KRT6C: variants seen among roughly 807,000 people sequenced by gnomAD.
The protein encoded by KRT6C is keratin, type II cytoskeletal 6C.
KRT6C carries 46 observed loss-of-function variants against 49.4 expected under a neutral mutation model. That is an observed-to-expected ratio of 0.93 (90% CI 0.74 to 1.19). The LOEUF (loss-of-function observed/expected upper bound fraction) is 1.19, where lower values mean the gene tolerates loss of function less well. Ranked by LOEUF, KRT6C falls within the 50% of genes most tolerant of loss-of-function variation. The probability of loss-of-function intolerance (pLI) is 0.00; values close to 1 mark genes in which losing one functional copy is unlikely to be tolerated. For missense variants in KRT6C, 552 were observed against 737.5 expected (o/e 0.75, Z 2.91); for synonymous variants, 236 against 297.1 (o/e 0.79, Z 2.12).
chr12:52,469,384 G>A (rs771129005), intron 8 of KRT6C, 27 bp downstream of exon 8: 42 of 1,613,910 alleles, frequency 2.6e-5, no homozygotes, highest in Non-Finnish European at 8.5e-7. Flanking sequence ...GCGAGGGCAG[G>A]GGAGGAAGGC....
In KRT6C at chr12:52,472,572, G is replaced by A. The variant is rs531591311; in HGVS notation, c.541-292C>T. ...TTTTCCAGGCACAATCACAAATCTAGTTTAAAAATACTAATTACCTGATAT... is the reference window on the plus strand; with the variant it reads ...TTTTCCAGGCACAATCACAAATCTAATTTAAAAATACTAATTACCTGATAT... On this transcript the variant is annotated intron_variant, in intron 1 of 8. Transcript: ENST00000252250. 2.2e-5 allele frequency among the ~76,000 whole-genome samples: 3 copies of A among 134,894 alleles called. No individual in the cohort carries two copies. The South Asian group carries it at 7.1e-4, about 32-fold the overall frequency. 88.5% of individuals were successfully genotyped at this position (134,894 alleles called of 152,430 possible). A position where few individuals can be genotyped will look rare whatever the true frequency, so the allele number is the denominator to read the frequency against.
rs764788115 is a variant in KRT6C, at chr12:52,473,647, A to G, written c.91T>C (p.Ser31Pro). The G allele has an allele frequency of 1.9e-6, 3 of 1,612,068 alleles. No individual in the cohort carries two copies. Among genetic ancestry groups the G allele is most frequent in the South Asian group, 1.1e-5 (1 of 90,946 alleles). ...GACACGGAGATGCTGCTGAAGCCAG[A>G]GCGGCTGACCCCAGGGAGCCTGGCT... ...NSARLPGVSR[S>P]GFSSISVSRS... The change falls in exon 1 of 9, where the codon TCT (serine) becomes CCT (proline). Residue 31 changes from serine to proline, a missense_variant. This residue lies in a region of KRT6C where 73 missense variants were observed against 102.1 expected (regional missense o/e 0.71). Coordinates refer to ENST00000252250, the MANE Select transcript of KRT6C (RefSeq NM_173086.5).
rs1592176321 is a variant in KRT6C at position 52,469,553 on chromosome 12, A to C, written c.1425-108T>G. ...AGAGTCCATGGGAAACTGCTCTTTT[A>C]GTTTTCTCTCAAGAAGAGCAATTAC... is the stretch of plus-strand genomic sequence containing the variant. On this transcript the variant is annotated intron_variant, in intron 7 of 8. Transcript: ENST00000252250. The C allele has an allele frequency of 1.2e-5, 20 of 1,611,924 alleles. No individual in the cohort carries two copies. The East Asian group carries it at 2.2e-4, about 18-fold the overall frequency.
Position 52,473,619 on chromosome 12 carries a change from C to T in KRT6C, c.119G>A (p.Arg40His), listed in dbSNP as rs755148780. 1.1e-5 allele frequency: 17 copies of T among 1,609,606 alleles called. No homozygotes were observed. The highest frequency in any genetic ancestry group is 8.9e-5 in the East Asian group (4 of 44,774). The stretch of plus-strand genomic sequence containing the variant: ...ACCCAGGCCACCACTGCCCCTGGAG[C>T]GGGACACGGAGATGCTGCTGAAGCC... Reference protein sequence around the residue: ...RSGFSSISVSRSRGSGGLGGA... With the variant: ...RSGFSSISVSHSRGSGGLGGA... The change falls in exon 1 of 9, where the codon CGC becomes CAC. Residue 40 changes from arginine to histidine, a missense_variant. By Grantham distance (29) the Arg-to-His change is conservative. Coordinates refer to ENST00000252250, the MANE Select transcript of KRT6C (RefSeq NM_173086.5).
chr12:52,470,120 GGGA>G (rs1937848794), intron 6 of KRT6C: 1 of 640,490 alleles, frequency 1.6e-6, no homozygotes, highest in African/African-American at 1.8e-5. Context: ...TGCATCTTAT[GGGA>G]GACACTACAA....
At position 52,473,555 on chromosome 12, in the gene KRT6C, C is replaced by G; in HGVS notation, c.183G>C (p.Leu61=). The G allele has an allele frequency of 6.4e-7, 1 of 1,569,162 alleles. No individual in the cohort carries two copies. Among genetic ancestry groups the G allele is most frequent in the Non-Finnish European group, 8.7e-7 (1 of 1,149,872 alleles). The change falls in exon 1 of 9, where the codon CTG becomes CTC. Residue 61 remains leucine (L), a synonymous_variant. Transcript: ENST00000252250. ...TCCTCTTGGAGCCCCCCAGGCCATA[C>G]AGACTGCGGCTGCCAAAGCCAGCTC... is the stretch of plus-strand genomic sequence containing the variant. The part of the protein sequence containing the change: ...CGGAGFGSRS[L]YGLGGSKRIS...
intron 6 of KRT6C, chr12:52,470,102 A>ATGTGCGT: frequency 1.5e-6 from 1 of 665,574 alleles, no homozygotes; most frequent in Non-Finnish European, 2.6e-6. Context: ...CCGCATGAGA[A>ATGTGCGT]TGTGCGTTGC....
intron 6 of KRT6C, 92 bp downstream of exon 6, chr12:52,470,413 C>T (rs180763577): frequency 9.4e-5 from 151 of 1,607,168 alleles, no homozygotes; most frequent in Non-Finnish European, 1.2e-4. Flanking sequence ...TGTTGGTTTA[C>T]GTTTCAGGAA....
In KRT6C at chr12:52,473,694, C is replaced by A. The variant is rs142765056; in HGVS notation, c.44G>T (p.Arg15Leu). Residue 15 changes from arginine to leucine, a missense_variant, in exon 1 of 9, where the codon CGC (arginine) becomes CTC (leucine). By Grantham distance (102) the Arg-to-Leu change is moderately radical (BLOSUM62 -2). This residue lies in a region of KRT6C where 73 missense variants were observed against 102.1 expected (regional missense o/e 0.71). Coordinates refer to ENST00000252250, the MANE Select transcript of KRT6C (RefSeq NM_173086.5). Reference sequence around the variant, plus strand: ...GGCTGAGTTGGCACTGAAACCCCGGCGGCTGCTGCTGTGGCTCCTGATGGT... The same window carrying A: ...GGCTGAGTTGGCACTGAAACCCCGGAGGCTGCTGCTGTGGCTCCTGATGGT... ...STTIRSHSSS[R>L]RGFSANSARL... 5.0e-6 allele frequency: 8 copies of A among 1,613,580 alleles called. No individual in the cohort carries two copies. The highest frequency in any genetic ancestry group is 6.8e-6 in the Non-Finnish European group (8 of 1,179,928).
chr12:52,471,770 G>A, intron 2 of KRT6C, 38 bp from the exon 3 acceptor site: 1 of 1,613,422 alleles, frequency 6.2e-7, no homozygotes, highest in South Asian at 1.1e-5. Flanking sequence ...ATGAGCCAGT[G>A]GGTAGGATGA....
intron 5 of KRT6C, 99 bp from the exon 6 acceptor site, chr12:52,470,729 A>G: frequency 1.2e-6 from 2 of 1,610,578 alleles, no homozygotes; most frequent in Admixed American, 1.7e-5. Context: ...AGTGGACCTA[A>G]TGGCTTCTCC....
intron 5 of KRT6C, among the ~76,000 whole-genome samples, chr12:52,470,845 G>T (rs1937865871): frequency 6.6e-6 from 1 of 151,956 alleles, no homozygotes; most frequent in Admixed American, 6.6e-5. Flanking sequence ...GTTTCTTTAG[G>T]GAGTAGAAAT....
intron 2 of KRT6C, 151 bp from the exon 3 acceptor site, chr12:52,471,883 A>C: frequency 7.5e-7 from 1 of 1,326,668 alleles, no homozygotes. Context: ...GCTACTACTA[A>C]ATTTGCCACT....
Position 52,469,707 on chromosome 12 carries a change from C to G in KRT6C, c.1387G>C (p.Ala463Pro). 6.2e-7 allele frequency: 1 copy of G among 1,614,080 alleles called. No homozygotes were observed. Among genetic ancestry groups the G allele is most frequent in the Non-Finnish European group, 8.5e-7 (1 of 1,179,996 alleles). ...CCCTCCAGCAGCTTGCGGTAGGTGG[C>G]GATCTCCACATCCAGGGCCAGCTTG... is the stretch of plus-strand genomic sequence containing the variant. The part of the protein sequence containing the change: ...NVKLALDVEI[A>P]TYRKLLEGEE... The change falls in exon 7 of 9, where the codon GCC (alanine) becomes CCC (proline). Residue 463 changes from alanine to proline, a missense_variant. By Grantham distance (27) the Ala-to-Pro change is conservative (BLOSUM62 -1). Transcript: ENST00000252250.
rs1295840768 is a variant in KRT6C at position 52,473,147 on chromosome 12, T to G, written c.540+51A>C. On this transcript the variant is annotated intron_variant, in intron 1 of 8. Transcript: ENST00000252250. ...CTCCCTAGCAGGAAGGTGTTGCTCT[T>G]CTGGTCTGGGGACCCTGAAGTGCCC... The G allele has an allele frequency of 3.6e-6, 5 of 1,373,370 alleles. 2 individuals carry two copies. The highest frequency in any genetic ancestry group is 3.2e-5 in the East Asian group (1 of 30,956). The allele number at this position is 1,373,370 out of a possible 1,614,324, so 85.1% of individuals were successfully genotyped here.
chr12:52,470,516 C>A lies in KRT6C; in HGVS notation c.1192G>T (p.Val398Phe), dbSNP rs1592176837. The A allele has an allele frequency of 6.2e-7, 1 of 1,614,186 alleles. No individual in the cohort carries two copies. The highest frequency in any genetic ancestry group is 8.5e-7 in the Non-Finnish European group (1 of 1,180,040). ...IQRLRSEIDH[V>F]KKQCASLQAA... is the part of the protein sequence containing the mutation. ...GCACCTCACTGTACCTGCTTCTTGA[C>A]ATGGTCGATCTCAGATCTCAGCCTC... The change falls in exon 6 of 9, where the codon GTC becomes TTC. Residue 398 changes from valine (V) to phenylalanine (F), a missense_variant. Physicochemically the swap from Val to Phe is conservative, Grantham distance 50. Coordinates refer to ENST00000252250, the MANE Select transcript of KRT6C (RefSeq NM_173086.5).
rs12298348 is a variant in KRT6C at position 52,472,120 on chromosome 12, C to T, written c.701G>A (p.Arg234His). ...CATGTTTCTCAGCTCCGAGTCCAGG[C>T]GGCCCCGTTCCCCGACGATGCTGTC... ...QLDSIVGERG[R>H]LDSELRNMQD... The change falls in exon 2 of 9, where the codon CGC (arginine) becomes CAC (histidine). Residue 234 changes from arginine to histidine, a missense_variant. Arg to His is a conservative substitution (Grantham distance 29, BLOSUM62 0). Transcript: ENST00000252250. 2.8e-3 allele frequency: 4,500 copies of T among 1,598,192 alleles called. 113 individuals are homozygous for T. In the African/African-American group the frequency reaches 0.028, roughly 10 times the overall value.
Position 52,469,307 on chromosome 12 carries a change from G to T in KRT6C, c.1460-10C>A, listed in dbSNP as rs35481773. ...GTGGACTGTACTACAGCTGTGGTGG[G>T]GAGGGGACAAGGACACAAGAAGCCA... On this transcript the variant is annotated splice_polypyrimidine_tract_variant and intron_variant, in intron 8 of 8. Transcript: ENST00000252250. The T allele has an allele frequency of 0.22, 354,441 of 1,613,608 alleles. 40,011 individuals are homozygous for T. Among genetic ancestry groups the T allele is most frequent in the Admixed American group, 0.32 (19,432 of 59,928 alleles).
chr12:52,470,061 G>T, intron 6 of KRT6C, 171 bp from the exon 7 acceptor site: 1 of 812,352 alleles, frequency 1.2e-6, no homozygotes, highest in Non-Finnish European at 2.0e-6. Context: ...GGAGTCAAGT[G>T]ACAAAGTCCT....
Sources: gnomAD v4.1 joint callset for allele counts (sites outside exome capture counted in the v4.1 genomes callset) on GRCh38, gnomAD v4.1.1 for gene constraint, gnomAD v4.1.1 regional missense constraint, MANE v1.5 for transcripts, NCBI Gene and HGNC (gene_info 2026-07-23, HGNC 2026-07-21) for gene names.